TMCC1: variants seen among roughly 807,000 people sequenced by gnomAD.
The protein encoded by TMCC1 is transmembrane and coiled-coil domains protein 1.
In TMCC1, 15 loss-of-function variants were observed where a neutral mutation model predicts 52.4. The observed-to-expected ratio is 0.29, with a 90% CI of 0.19 to 0.44. TMCC1 has a LOEUF of 0.44. Among genes scored for constraint, TMCC1 ranks in the 20% least tolerant of loss-of-function variants. The pLI is 1.00. For synonymous variants in TMCC1, 279 were observed against 301.9 expected (o/e 0.92, Z 0.79); for missense variants, 503 against 806.0 (o/e 0.62, Z 4.55).
At chr3:129,827,221 G>C (rs925146759) in intron 4 of TMCC1, among the ~76,000 whole-genome samples, 1 of 152,050 alleles carries the variant, frequency 6.6e-6, no homozygotes, top group African/African-American at 2.4e-5. Context: ...GAGTTATATG[G>C]AAAAAGTTTC....
intron 4 of TMCC1, among the ~76,000 whole-genome samples, chr3:129,673,374 A>G (rs1026299111): frequency 6.6e-6 from 1 of 152,194 alleles, no homozygotes; most frequent in African/African-American, 2.4e-5. Flanking sequence ...GAGATTTCAG[A>G]TCCTTGACCT....
rs1171094833 is a variant in TMCC1 at position 129,654,903 on chromosome 3, C to A, written c.1647+65G>T. The A allele has an allele frequency of 2.5e-6, 4 of 1,570,070 alleles. No homozygotes were observed. The East Asian group carries it at 9.0e-5, about 35-fold the overall frequency. ...TACCTTCTCATCTTTTTTCCTTCCG[C>A]TGTTTTCCTTTTTTCTTTCTAACCC... On this transcript the variant is annotated intron_variant, in intron 6 of 6. Coordinates refer to ENST00000393238, the MANE Select transcript of TMCC1 (RefSeq NM_001017395.5).
chr3:129,789,053 T>C (rs2056259090), intron 4 of TMCC1, among the ~76,000 whole-genome samples: 1 of 152,170 alleles, frequency 6.6e-6, no homozygotes, highest in Non-Finnish European at 1.5e-5. Flanking sequence ...TAGAGTAACT[T>C]AGAGAAAATT....
chr3:129,800,538 A>T (rs2057120918), intron 4 of TMCC1, among the ~76,000 whole-genome samples: 1 of 151,578 alleles, frequency 6.6e-6, no homozygotes, highest in Admixed American at 6.6e-5. Context: ...ATGGCATCTC[A>T]TTGTGGTCTT....
intron 2 of TMCC1, among the ~76,000 whole-genome samples, chr3:129,878,174 G>A (rs2061311292): frequency 6.8e-6 from 1 of 147,856 alleles, no homozygotes; most frequent in South Asian, 2.2e-4. Flanking sequence ...ACATTCGCCA[G>A]GCTGGTCTTG....
At chr3:129,661,127 T>A (rs2086992425) in intron 5 of TMCC1, among the ~76,000 whole-genome samples, 1 of 152,222 alleles carries the variant, frequency 6.6e-6, no homozygotes, top group Non-Finnish European at 1.5e-5. Flanking sequence ...AATGTAACTA[T>A]TGTTCACAGA....
chr3:129,669,356 C>T (rs1040907607), intron 5 of TMCC1, among the ~76,000 whole-genome samples: 1 of 152,164 alleles, frequency 6.6e-6, no homozygotes, highest in African/African-American at 2.4e-5. Flanking sequence ...ACCTGTAGCT[C>T]CCATAAGACT....
chr3:129,842,909 C>T (rs568899082), intron 2 of TMCC1, among the ~76,000 whole-genome samples: 111 of 152,026 alleles, frequency 7.3e-4, no homozygotes, highest in Non-Finnish European at 1.3e-3. Context: ...AACAAAAATA[C>T]AACATTATCA....
At chr3:129,715,340 TGAG>T (rs1210126099) in intron 4 of TMCC1, among the ~76,000 whole-genome samples, 5 of 152,124 alleles carry the variant, frequency 3.3e-5, no homozygotes, top group African/African-American at 1.2e-4. Context: ...AGGGGAATCA[TGAG>T]GTCAGGTGTT....
At chr3:129,763,217 AATAAAT>A (rs2053774297) in intron 4 of TMCC1, among the ~76,000 whole-genome samples, 2 of 122,982 alleles carry the variant, frequency 1.6e-5, no homozygotes, top group African/African-American at 6.1e-5. Flanking sequence ...AAAATAAATA[AATAAAT>A]AAATAAATAA....
rs141093351 is a variant in TMCC1, at chr3:129,823,791, A to C, written c.576+4012T>G. On this transcript the variant is annotated intron_variant, in intron 4 of 6. Transcript: ENST00000393238. ...AAAGAGTAGTGGACTTTGGATACTA[A>C]AATTCTCCTCCTCTACTCCTAAGAT... Among the ~76,000 whole-genome samples the C allele has an allele frequency of 9.8e-5, 15 of 152,318 alleles. No homozygotes were observed. The South Asian group carries it at 1.0e-3, about 11-fold the overall frequency.
At chr3:129,771,797 A>AAAAAAAAAAAAAAAAG (rs60824072) in intron 4 of TMCC1, among the ~76,000 whole-genome samples, 19 of 86,834 alleles carry the variant, frequency 2.2e-4, no homozygotes, top group Admixed American at 8.0e-4. Context: ...AAAAAAAAAA[A>AAAAAAAAAAAAAAAAG]AAGAAGAAGA....
At chr3:129,789,784 ACTT>A (rs1444328630) in intron 4 of TMCC1, among the ~76,000 whole-genome samples, 1 of 152,158 alleles carries the variant, frequency 6.6e-6, no homozygotes, top group Admixed American at 6.5e-5. Flanking sequence ...CCGGCTCTCC[ACTT>A]CTTAATTTTC....
chr3:129,730,912 C>T (rs539706846), intron 4 of TMCC1, among the ~76,000 whole-genome samples: 4 of 152,254 alleles, frequency 2.6e-5, no homozygotes, highest in South Asian at 4.1e-4. Flanking sequence ...AGAAATCTCC[C>T]TGTGGTTTCA....
chr3:129,795,496 T>TG, intron 4 of TMCC1, among the ~76,000 whole-genome samples: 1 of 152,220 alleles, frequency 6.6e-6, no homozygotes, highest in Admixed American at 6.5e-5. Flanking sequence ...CAATTTCCTG[T>TG]GAGCAAAGTT....
chr3:129,766,431 C>T (rs1032809729), intron 4 of TMCC1, among the ~76,000 whole-genome samples: 1 of 152,178 alleles, frequency 6.6e-6, no homozygotes, highest in African/African-American at 2.4e-5. Flanking sequence ...ACAAAGATGA[C>T]TGTGTTGCTG....
At chr3:129,771,161 G>C (rs1267686420) in intron 4 of TMCC1, among the ~76,000 whole-genome samples, 1 of 152,108 alleles carries the variant, frequency 6.6e-6, no homozygotes, top group South Asian at 2.1e-4. Flanking sequence ...TCTGGTCTTG[G>C]CATAAAGAGT....
intron 5 of TMCC1, among the ~76,000 whole-genome samples, chr3:129,664,673 A>T (rs528293909): frequency 1.3e-5 from 2 of 152,298 alleles, no homozygotes; most frequent in South Asian, 4.1e-4. Flanking sequence ...GCTCAGTAGG[A>T]TTCCAGGCCA....
chr3:129,888,544 T>A (rs1459942493), intron 1 of TMCC1, among the ~76,000 whole-genome samples: 1 of 152,202 alleles, frequency 6.6e-6, no homozygotes, highest in African/African-American at 2.4e-5. Context: ...GAGCATCTTA[T>A]GTTGCCAGAA....
Sources: gnomAD v4.1 joint callset for allele counts (sites outside exome capture counted in the v4.1 genomes callset) on GRCh38, gnomAD v4.1.1 for gene constraint, MANE v1.5 for transcripts, NCBI Gene and HGNC (gene_info 2026-07-23, HGNC 2026-07-21) for gene names.